Variants in MTIF2 observed in about 807,000 individuals in gnomAD.
The protein encoded by MTIF2 is mitochondrial translational initiation factor 2, also known as translation initiation factor IF-2, mitochondrial.
Under a neutral mutation model 83.5 loss-of-function variants are expected in MTIF2, and 71 were observed. The ratio of observed to expected loss-of-function variants is 0.85; its 90% confidence interval spans 0.70 to 1.04. The LOEUF (loss-of-function observed/expected upper bound fraction) is 1.04. MTIF2 is among the 50% of genes least tolerant of loss of function. The pLI is 0.00. For synonymous variants in MTIF2, 319 were observed against 287.1 expected, an observed-to-expected ratio of 1.11 and a Z score of -1.12; for missense variants, 957 against 846.5, an observed-to-expected ratio of 1.13 and a Z score of -1.62.
intron 6 of MTIF2, 75 bp from the exon 7 acceptor site, chr2:55,254,276 T>C (rs1677343041): frequency 6.1e-6 from 9 of 1,485,042 alleles, no homozygotes; most frequent in Non-Finnish European, 8.2e-6. Context: ...GGTTCACATT[T>C]ATCCCTGTGA....
chr2:55,251,935 T>A (rs958789626), intron 8 of MTIF2, among the ~76,000 whole-genome samples: 2 of 152,184 alleles, frequency 1.3e-5, no homozygotes, highest in Non-Finnish European at 2.9e-5. Flanking sequence ...CTAGAATGTA[T>A]AATTACATGT....
intron 14 of MTIF2, among the ~76,000 whole-genome samples, chr2:55,239,552 A>C (rs963462016): frequency 1.3e-5 from 2 of 152,204 alleles, no homozygotes; most frequent in Non-Finnish European, 2.9e-5. Flanking sequence ...GAGGTGATTT[A>C]ATCAATTTTA....
At chr2:55,243,376 T>G (rs1676462142) in intron 12 of MTIF2, 40 bp downstream of exon 12, 1 of 1,515,186 alleles carries the variant, frequency 6.6e-7, no homozygotes, top group Non-Finnish European at 9.0e-7. Context: ...AAACATATAT[T>G]CAAAGAATGA....
At chr2:55,246,587 C>A in intron 9 of MTIF2, 126 bp from the exon 10 acceptor site, 3 of 733,380 alleles carry the variant, frequency 4.1e-6, no homozygotes, top group Non-Finnish European at 4.3e-6. Context: ...TCATTGAAAG[C>A]ATGATTACTC....
At chr2:55,263,341 T>G (rs1337587275) in intron 4 of MTIF2, among the ~76,000 whole-genome samples, 1 of 152,240 alleles carries the variant, frequency 6.6e-6, no homozygotes, top group African/African-American at 2.4e-5. Flanking sequence ...AGTAATACTT[T>G]ATTGCATTAA....
Position 55,240,121 on chromosome 2 carries a change from G to T in MTIF2, c.1760C>A (p.Ala587Glu). 6.2e-7 allele frequency: 1 copy of T among 1,613,316 alleles called. No homozygotes were observed. Among genetic ancestry groups the T allele is most frequent in the Non-Finnish European group, 8.5e-7 (1 of 1,179,726 alleles). Residue 587 changes from alanine (A) to glutamate (E), a missense_variant, in exon 14 of 16, where the codon GCA becomes GAA. Transcript: ENST00000263629. The stretch of plus-strand genomic sequence containing the variant: ...AAGTTTAATTTTTACTCCTTTTTTT[G>T]CAGCTGACTGTTGGATAACATTGCC... ...NAGNVIQQSA[A>E]KKGVKIKLHK...
chr2:55,242,109 T>C (rs1343136610), intron 13 of MTIF2, among the ~76,000 whole-genome samples: 1 of 143,248 alleles, frequency 7.0e-6, no homozygotes, highest in Non-Finnish European at 1.5e-5. Context: ...GCCACTGCAC[T>C]CCAGCCTGGG....
In MTIF2 at chr2:55,236,650, A is replaced by T. The variant is rs1675832905; in HGVS notation, c.2182T>A (p.Ter728LysextTer?). Residue 728 changes from the stop codon to lysine (K), a stop_lost, in exon 16 of 16, where the codon TAA (stop) becomes AAA (lysine). Transcript: ENST00000263629. Reference protein sequence around the residue: ...QAKTSWDPGF* With the variant: ...QAKTSWDPGFK ...TTATTTACATTTTTAATGTAATTTT[A>T]AAATCCTGGATCCCAAGAAGTCTTG... 1 of 1,581,728 alleles carries T rather than the reference A, an allele frequency of 6.3e-7. No homozygotes were observed. The highest frequency in any genetic ancestry group is 1.2e-5 in the South Asian group (1 of 85,134).
At chr2:55,238,295 G>T (rs1479926687) in intron 14 of MTIF2, among the ~76,000 whole-genome samples, 1 of 151,568 alleles carries the variant, frequency 6.6e-6, no homozygotes, top group African/African-American at 2.4e-5. Context: ...CGGATGACAC[G>T]CTTGAGCCAC....
intron 1 of MTIF2, 92 bp downstream of exon 1, chr2:55,269,077 G>C (rs1678647520): frequency 6.6e-6 from 1 of 152,280 alleles, no homozygotes; most frequent in Non-Finnish European, 1.5e-5. Context: ...TGAAGTTCGC[G>C]TGATTTGTGC....
At chr2:55,237,189 GATT>G in intron 15 of MTIF2, 96 bp downstream of exon 15, 1 of 1,330,914 alleles carries the variant, frequency 7.5e-7, no homozygotes, top group Non-Finnish European at 1.0e-6. Context: ...CCTGAGCTGA[GATT>G]ATGGGCATGA....
chr2:55,237,503 G>T, intron 14 of MTIF2, 75 bp from the exon 15 acceptor site: 1 of 1,422,836 alleles, frequency 7.0e-7, no homozygotes, highest in Non-Finnish European at 9.3e-7. Flanking sequence ...ACATTCTGTG[G>T]TATAAGAATT....
Position 55,255,031 on chromosome 2 carries a change from C to T in MTIF2, c.332-206G>A, listed in dbSNP as rs148304684. 3.9e-3 allele frequency among the ~76,000 whole-genome samples: 598 copies of T among 151,780 alleles called. 3 individuals carry two copies. Among genetic ancestry groups the T allele is most frequent in the Middle Eastern group, 0.031 (9 of 292 alleles). ...ATACATTTCTATTAACTGACTTTTC[C>T]GCATATTCATAAATATTTGAATATT... On this transcript the variant is annotated intron_variant, in intron 5 of 15. Coordinates refer to ENST00000263629, the MANE Select transcript of MTIF2 (RefSeq NM_002453.3).
At chr2:55,247,283 AC>A (rs1346955357) in intron 9 of MTIF2, among the ~76,000 whole-genome samples, 1 of 152,216 alleles carries the variant, frequency 6.6e-6, no homozygotes, top group African/African-American at 2.4e-5. Flanking sequence ...AGGGCCGGGC[AC>A]GGTGGCTCAT....
At chr2:55,242,466 A>C in intron 13 of MTIF2, among the ~76,000 whole-genome samples, 1 of 152,238 alleles carries the variant, frequency 6.6e-6, no homozygotes, top group East Asian at 1.9e-4. Flanking sequence ...TTCTAGGCTT[A>C]TAAAGCTAAA....
chr2:55,252,281 C>T (rs1677152810), intron 8 of MTIF2, among the ~76,000 whole-genome samples, 196 bp downstream of exon 8: 2 of 152,090 alleles, frequency 1.3e-5, no homozygotes, highest in Non-Finnish European at 2.9e-5. Context: ...TACTTATGGT[C>T]ACAACTCCCA....
At chr2:55,246,279 A>T in intron 10 of MTIF2, 58 bp downstream of exon 10, 1 of 1,519,132 alleles carries the variant, frequency 6.6e-7, no homozygotes, top group Non-Finnish European at 8.9e-7. Flanking sequence ...ATTGTCATAT[A>T]ATCAAGTCAC....
At chr2:55,255,775 C>G (rs57529275) in intron 5 of MTIF2, among the ~76,000 whole-genome samples, 1 of 151,962 alleles carries the variant, frequency 6.6e-6, no homozygotes, top group East Asian at 1.9e-4. Flanking sequence ...ACAGTGTCAC[C>G]TCATTCAACC....
chr2:55,242,928 T>C lies in MTIF2; in HGVS notation c.1705+12A>G. 1 of 1,601,448 alleles carries C rather than the reference T, an allele frequency of 6.2e-7. No individual in the cohort carries two copies. Among genetic ancestry groups the C allele is most frequent in the Non-Finnish European group, 8.5e-7 (1 of 1,175,740 alleles). ...GGGAACACAGATTAACAAGAAGAAA[T>C]GGAATCCTTACCATCAAATGTTTCA... On this transcript the variant is annotated intron_variant, in intron 13 of 15. Coordinates refer to ENST00000263629, the MANE Select transcript of MTIF2 (RefSeq NM_002453.3).
Sources: gnomAD v4.1 joint callset for allele counts (sites outside exome capture counted in the v4.1 genomes callset) on GRCh38, gnomAD v4.1.1 for gene constraint, MANE v1.5 for transcripts, NCBI Gene and HGNC (gene_info 2026-07-23, HGNC 2026-07-21) for gene names.